Variants in MAP3K4 observed in about 807,000 individuals in gnomAD.
MAP3K4 encodes the protein MAP three kinase 1.
A neutral mutation model predicts 185.6 loss-of-function variants in MAP3K4; 67 were observed. That is an observed-to-expected ratio of 0.36 (90% CI 0.30 to 0.44). The LOEUF (loss-of-function observed/expected upper bound fraction) is 0.44. Among genes scored for constraint, MAP3K4 ranks in the 20% least tolerant of loss-of-function variants. MAP3K4 has a pLI of 1.00. For synonymous variants in MAP3K4, 702 were observed against 710.4 expected (o/e 0.99, Z 0.19); for missense variants, 1,551 against 1,995.1 (o/e 0.78, Z 4.24).
At chr6:160,992,299 G>A in intron 1 of MAP3K4, 1 of 588,204 alleles carries the variant, frequency 1.7e-6, no homozygotes, top group Non-Finnish European at 2.8e-6. Context: ...GCTCCGCAGG[G>A]TTCCGCTCGA....
rs1205239717 is a variant in MAP3K4, at chr6:161,034,510, C to A, written c.343+61C>A. 7 of 1,330,934 alleles carry A rather than the reference C, an allele frequency of 5.3e-6. No homozygotes were observed. Among genetic ancestry groups the A allele is most frequent in the African/African-American group, 3.0e-5 (2 of 67,284 alleles). 82.4% of individuals were successfully genotyped at this position (1,330,934 alleles called of 1,614,324 possible). A position where few individuals can be genotyped will look rare whatever the true frequency, so the allele number is the denominator to read the frequency against. On this transcript the variant is annotated intron_variant, in intron 2 of 26. Transcript: ENST00000392142. This position sits in a 1 kb window ranked among gnomAD's most constrained non-coding sequence, Gnocchi z 4.4. ...GGGTATGGCACTTGATTGATTCTTT[C>A]AACAATAAAGTTAGCAATTTCTTTT...
chr6:161,071,492 G>GT lies in MAP3K4; in HGVS notation c.1950+648dup, dbSNP rs1441281597. ...TCCCCAAAAGAAGAAAGGTTGGTATGTTTTTTGTAGACTGTACGTGTCTAT... is the reference window on the plus strand; with the variant it reads ...TCCCCAAAAGAAGAAAGGTTGGTATGTTTTTTTGTAGACTGTACGTGTCTAT... On this transcript the variant is annotated intron_variant, in intron 4 of 26. Transcript: ENST00000392142. The surrounding 1 kb of genome is among the most constrained non-coding windows in gnomAD (Gnocchi z 4.6). Among the ~76,000 whole-genome samples the GT allele has an allele frequency of 8.5e-5, 13 of 152,274 alleles. No individual in the cohort carries two copies. Among genetic ancestry groups the GT allele is most frequent in the Admixed American group, 5.9e-4 (9 of 15,284 alleles).
chr6:161,070,628 C>T lies in MAP3K4; in HGVS notation c.1728C>T (p.Pro576=). ...TATAGTTTTCTGAATTTCCAGATCC[C>T]ATGTGGGGTTCAGATTATGTGCAGT... ...RPVEFSEFPD[P]MWGSDYVQLS... The change falls in exon 4 of 27, where the codon CCC becomes CCT. Residue 576 remains proline (P), a synonymous_variant. Transcript: ENST00000392142. This position sits in a 1 kb window ranked among gnomAD's most constrained non-coding sequence, Gnocchi z 4.5. 1 of 1,613,684 alleles carries T rather than the reference C, an allele frequency of 6.2e-7. No homozygotes were observed. The highest frequency in any genetic ancestry group is 8.5e-7 in the Non-Finnish European group (1 of 1,179,930).
At position 161,080,638 on chromosome 6, in the gene MAP3K4, G is replaced by T; in HGVS notation, c.2098-243G>T. ...AGATTGTGAACATTTTTGTTGTTAG[G>T]ATTTTGAAGGGGTTGTCAATAATAT... On this transcript the variant is annotated intron_variant, in intron 5 of 26. Coordinates refer to ENST00000392142, the MANE Select transcript of MAP3K4 (RefSeq NM_005922.4). The surrounding 1 kb of genome is among the most constrained non-coding windows in gnomAD (Gnocchi z 4.8). 2.3e-6 allele frequency: 1 copy of T among 437,268 alleles called. No homozygotes were observed. Among genetic ancestry groups the T allele is most frequent in the Non-Finnish European group, 4.1e-6 (1 of 242,684 alleles). 27.1% of individuals were successfully genotyped at this position (437,268 alleles called of 1,614,324 possible).
In MAP3K4 at chr6:161,097,118, C is replaced by G. The variant is rs138904282; in HGVS notation, c.3466C>G (p.Arg1156Gly). Residue 1156 changes from arginine to glycine, a missense_variant, in exon 16 of 27, where the codon CGA becomes GGA. Physicochemically the swap from Arg to Gly is moderately radical, Grantham distance 125. Transcript: ENST00000392142. The surrounding 1 kb of genome is among the most constrained non-coding windows in gnomAD (Gnocchi z 4.9). ...RNSPRPMKVP[R>G]CHSDPPNPHL... Reference sequence around the variant, plus strand: ...CAGCCCCCGTCCTATGAAGGTACCTCGATGCCATAGTGACCCTCCTAACCC... The same window carrying G: ...CAGCCCCCGTCCTATGAAGGTACCTGGATGCCATAGTGACCCTCCTAACCC... 1.5e-5 allele frequency: 24 copies of G among 1,614,108 alleles called. No individual in the cohort carries two copies. The highest frequency in any genetic ancestry group is 2.0e-5 in the Non-Finnish European group (24 of 1,180,012).
intron 3 of MAP3K4, among the ~76,000 whole-genome samples, chr6:161,057,381 A>G (rs1784290706): frequency 6.6e-6 from 1 of 152,246 alleles, no homozygotes; most frequent in Admixed American, 6.5e-5. Context: ...CAGTTTAGGT[A>G]CAGTAGATAA....
intron 3 of MAP3K4, among the ~76,000 whole-genome samples, chr6:161,069,844 C>T (rs773993242): frequency 2.6e-5 from 4 of 151,624 alleles, no homozygotes; most frequent in East Asian, 3.9e-4. Context: ...TGGGTGAGGA[C>T]CAAAGGGAGG....
In MAP3K4 at chr6:161,053,537, A is replaced by G. The variant is rs375178977; in HGVS notation, c.1707+3558A>G. Among the ~76,000 whole-genome samples the G allele has an allele frequency of 6.6e-6, 1 of 152,182 alleles. No individual in the cohort carries two copies. The highest frequency in any genetic ancestry group is 2.4e-5 in the African/African-American group (1 of 41,450). ...TTTAACCTCTGCCAAATAATTGTAC[A>G]TTTTAAGGGCATACATTTTAGGCAG... On this transcript the variant is annotated intron_variant, in intron 3 of 26. Coordinates refer to ENST00000392142, the MANE Select transcript of MAP3K4 (RefSeq NM_005922.4). The surrounding 1 kb of genome is among the most constrained non-coding windows in gnomAD (Gnocchi z 4.2).
chr6:161,044,680 A>C (rs546952718), intron 2 of MAP3K4, among the ~76,000 whole-genome samples: 1 of 152,298 alleles, frequency 6.6e-6, no homozygotes, highest in East Asian at 1.9e-4. Context: ...AATACTTGAG[A>C]CTGGGTAATG....
chr6:161,086,265 A>C lies in MAP3K4; in HGVS notation c.2373-114A>C, dbSNP rs1785708283. The C allele has an allele frequency of 1.8e-6, 1 of 568,882 alleles. No homozygotes were observed. The allele number at this position is 568,882 out of a possible 1,614,324, so 35.2% of individuals were successfully genotyped here. ...GTTTGTTCCCATTTAAAAAATCCTC[A>C]GTCTTTATTTATTACTGTGATTTGG... On this transcript the variant is annotated intron_variant, in intron 7 of 26. Transcript: ENST00000392142. This position sits in a 1 kb window ranked among gnomAD's most constrained non-coding sequence, Gnocchi z 4.8.
rs1173077307 is a variant in MAP3K4 at position 161,067,229 on chromosome 6, A to C, written c.1708-3379A>C. 2.3e-6 allele frequency: 1 copy of C among 431,708 alleles called. No homozygotes were observed. Among genetic ancestry groups the C allele is most frequent in the East Asian group, 8.0e-5 (1 of 12,562 alleles). 26.7% of individuals were successfully genotyped at this position (431,708 alleles called of 1,614,324 possible). On this transcript the variant is annotated intron_variant, in intron 3 of 26. Transcript: ENST00000392142. This position sits in a 1 kb window ranked among gnomAD's most constrained non-coding sequence, Gnocchi z 6.3. ...CATGAGACATCAATCAATATATGTA[A>C]GATGTACATTGGTTCCATCCAGAAA... is the stretch of plus-strand genomic sequence containing the variant.
chr6:161,028,624 G>C (rs1170360842), intron 1 of MAP3K4, among the ~76,000 whole-genome samples: 1 of 151,912 alleles, frequency 6.6e-6, no homozygotes, highest in African/African-American at 2.4e-5. Flanking sequence ...GTAATTGTTG[G>C]GGAGATAGCT....
Position 161,086,773 on chromosome 6 carries a change from G to C in MAP3K4, c.2556+106G>C. The C allele has an allele frequency of 2.4e-6, 2 of 826,146 alleles. No homozygotes were observed. The highest frequency in any genetic ancestry group is 3.8e-6 in the Non-Finnish European group (2 of 524,058). 51.2% of individuals were successfully genotyped at this position (826,146 alleles called of 1,614,324 possible). A position where few individuals can be genotyped will look rare whatever the true frequency, so the allele number is the denominator to read the frequency against. ...CCAGATAGTAAATATTACAGGCTCT[G>C]AAGGCTGTACCACAACCCCAGTTGT... On this transcript the variant is annotated intron_variant, in intron 9 of 26. Transcript: ENST00000392142. The surrounding 1 kb of genome is among the most constrained non-coding windows in gnomAD (Gnocchi z 4.8).
chr6:161,009,313 C>T (rs560300920), intron 1 of MAP3K4, among the ~76,000 whole-genome samples: 2 of 152,208 alleles, frequency 1.3e-5, no homozygotes, highest in African/African-American at 4.8e-5. Context: ...AGTTCAGTAG[C>T]GTTGTTAAGT....
rs1227636326 is a variant in MAP3K4 at position 161,100,355 on chromosome 6, A to T, written c.3675-1537A>T. 1.3e-5 allele frequency among the ~76,000 whole-genome samples: 2 copies of T among 152,238 alleles called. No individual in the cohort carries two copies. Among genetic ancestry groups the T allele is most frequent in the Admixed American group, 6.5e-5 (1 of 15,288 alleles). On this transcript the variant is annotated intron_variant, in intron 17 of 26. Coordinates refer to ENST00000392142, the MANE Select transcript of MAP3K4 (RefSeq NM_005922.4). The surrounding 1 kb of genome is among the most constrained non-coding windows in gnomAD (Gnocchi z 5.8). Reference sequence around the variant, plus strand: ...ATGGGGTGTAGCCCTTGCCCGTCTTACAGATACATCAAAGTTCAACTTCAC... The same window carrying T: ...ATGGGGTGTAGCCCTTGCCCGTCTTTCAGATACATCAAAGTTCAACTTCAC...
intron 3 of MAP3K4, among the ~76,000 whole-genome samples, chr6:161,052,257 A>G (rs1054271376): frequency 4.7e-5 from 7 of 148,760 alleles, no homozygotes; most frequent in African/African-American, 1.7e-4. Context: ...GATATGTTAT[A>G]GCAAGAAAAG....
intron 1 of MAP3K4, among the ~76,000 whole-genome samples, chr6:161,012,264 C>T (rs1432477897): frequency 6.6e-6 from 1 of 152,212 alleles, no homozygotes; most frequent in Non-Finnish European, 1.5e-5. Flanking sequence ...TTTCTCAGCT[C>T]CATTCCTTTG....
chr6:161,084,709 A>G lies in MAP3K4; in HGVS notation c.2372+92A>G, dbSNP rs969255414. On this transcript the variant is annotated intron_variant, in intron 7 of 26. Transcript: ENST00000392142. This position sits in a 1 kb window ranked among gnomAD's most constrained non-coding sequence, Gnocchi z 4.6. ...CTAGAAGGAGCCTTGTTCAAACCAA[A>G]TTGTGTTGGCCTGGAAGAATTTGGG... 4.3e-6 allele frequency: 3 copies of G among 697,434 alleles called. No homozygotes were observed. The African/African-American group carries it at 5.3e-5, about 12-fold the overall frequency. The allele number at this position is 697,434 out of a possible 1,614,324, so 43.2% of individuals were successfully genotyped here. A position where few individuals can be genotyped will look rare whatever the true frequency, so the allele number is the denominator to read the frequency against.
intron 3 of MAP3K4, among the ~76,000 whole-genome samples, chr6:161,062,734 C>T (rs1048537073): frequency 5.9e-5 from 9 of 152,130 alleles, no homozygotes; most frequent in Non-Finnish European, 1.3e-4. Context: ...TTTTTTGTTT[C>T]CATTTACAAG....
Sources: allele counts gnomAD v4.1 joint callset (sites outside exome capture counted in the v4.1 genomes callset), GRCh38; gene constraint gnomAD v4.1.1; non-coding constraint Gnocchi (gnomAD v3.1); transcripts MANE v1.5; gene names NCBI Gene and HGNC (gene_info 2026-07-23, HGNC 2026-07-21).